The following DCHS1 variants were observed in gnomAD, a reference collection of about 807,000 sequenced individuals.
DCHS1 encodes protocadherin-16.
In DCHS1, 78 loss-of-function variants were observed where a neutral mutation model predicts 213.9. That is an observed-to-expected ratio of 0.36 (90% CI 0.30 to 0.44). The LOEUF is 0.44. Among genes scored for constraint, DCHS1 ranks in the 20% least tolerant of loss-of-function variants. The pLI, the probability that DCHS1 is intolerant of heterozygous loss-of-function variation, is 1.00. For missense variants in DCHS1, 3,946 were observed against 4,395.9 expected (o/e 0.90, Z 2.89); for synonymous variants, 1,828 against 1,873.7 (o/e 0.98, Z 0.63).
Position 6,626,322 on chromosome 11 carries a change from T to C in DCHS1, c.6423A>G (p.Arg2141=). The change falls in exon 16 of 21, where the codon CGA becomes CGG. Residue 2141 remains arginine (R), a synonymous_variant. Transcript: ENST00000299441. The surrounding 1 kb of genome is among the most constrained non-coding windows in gnomAD (Gnocchi z 5.2). The part of the protein sequence containing the change: ...GLDFEVSPRL[R]LVLQAESGGA... ...CTCCACTCTCTGCCTGCAGCACCAG[T>C]CGCAGCCGTGGACTCACCTCGAAGT... The C allele has an allele frequency of 6.2e-7, 1 of 1,613,590 alleles. No homozygotes were observed. The highest frequency in any genetic ancestry group is 8.5e-7 in the Non-Finnish European group (1 of 1,179,738).
At position 6,632,935 on chromosome 11, in the gene DCHS1, T is replaced by C; in HGVS notation, c.2577A>G (p.Pro859=). ...CTGCTCGCACCTCCAGCTCCAACACTGGTCCCAGTAGCTCCCGGTCCAGAG... is the reference window on the plus strand; with the variant it reads ...CTGCTCGCACCTCCAGCTCCAACACCGGTCCCAGTAGCTCCCGGTCCAGAG... ...LRPLDRELLG[P]VLELEVRAGS... The change falls in exon 6 of 21, where the codon CCA becomes CCG. Residue 859 remains proline (P), a synonymous_variant. Coordinates refer to ENST00000299441, the MANE Select transcript of DCHS1 (RefSeq NM_003737.4). This position sits in a 1 kb window ranked among gnomAD's most constrained non-coding sequence, Gnocchi z 5.9. 5 of 1,614,028 alleles carry C rather than the reference T, an allele frequency of 3.1e-6. No homozygotes were observed. The highest frequency in any genetic ancestry group is 4.2e-6 in the Non-Finnish European group (5 of 1,179,892).
At chr11:6,633,765 C>T (rs1855948057) in intron 4 of DCHS1, 24 bp downstream of exon 4, 1 of 1,606,526 alleles carries the variant, frequency 6.2e-7, no homozygotes, top group Non-Finnish European at 8.5e-7. Context: ...TGGGGGAAGG[C>T]CCCGGGAATG....
At chr11:6,633,351 C>T (rs1207931917) in intron 5 of DCHS1, 61 bp downstream of exon 5, 2 of 1,481,300 alleles carry the variant, frequency 1.4e-6, no homozygotes, top group Non-Finnish European at 1.8e-6. Flanking sequence ...TCGGATGGTG[C>T]TGGAGGGTTA....
intron 1 of DCHS1, among the ~76,000 whole-genome samples, chr11:6,642,725 A>C (rs969281804): frequency 6.6e-6 from 1 of 152,098 alleles, no homozygotes; most frequent in African/African-American, 2.4e-5. Context: ...GAAGATTTTG[A>C]CATTATCCTA....
At chr11:6,654,398 A>T (rs1856286015) in intron 1 of DCHS1, among the ~76,000 whole-genome samples, 1 of 152,190 alleles carries the variant, frequency 6.6e-6, no homozygotes, top group African/African-American at 2.4e-5. Context: ...TTGCAGTGAC[A>T]ATGTCTCCTG....
chr11:6,640,897 G>C lies in DCHS1; in HGVS notation c.717C>G (p.Ala239=). 1 of 1,614,036 alleles carries C rather than the reference G, an allele frequency of 6.2e-7. No homozygotes were observed. The highest frequency in any genetic ancestry group is 8.5e-7 in the Non-Finnish European group (1 of 1,179,894). The change falls in exon 2 of 21, where the codon GCC becomes GCG. Residue 239 remains alanine (A), a synonymous_variant. Transcript: ENST00000299441. The surrounding 1 kb of genome is among the most constrained non-coding windows in gnomAD (Gnocchi z 6.5). ...TGTCCAGCAGTGTCACGTCCAGCAGGGCCTGGGCCCTCCGGGGGGGTGAAC... is the reference window on the plus strand; with the variant it reads ...TGTCCAGCAGTGTCACGTCCAGCAGCGCCTGGGCCCTCCGGGGGGGTGAAC... ...DGGSPPRRAQ[A]LLDVTLLDIN...
chr11:6,645,615 T>C (rs533586986), intron 1 of DCHS1, among the ~76,000 whole-genome samples: 2 of 152,298 alleles, frequency 1.3e-5, no homozygotes, highest in Admixed American at 6.5e-5. Context: ...AATCTATGAA[T>C]GGTTTGAGAT....
Position 6,640,971 on chromosome 11 carries a change from G to C in DCHS1, c.643C>G (p.Arg215Gly), listed in dbSNP as rs747608620. The C allele has an allele frequency of 3.1e-6, 5 of 1,613,848 alleles. No homozygotes were observed. The highest frequency in any genetic ancestry group is 3.4e-6 in the Non-Finnish European group (4 of 1,179,900). ...AGCATATAGTGTGAGCGGTTCTCTCGGTCCAGTTCCCCAGTAACTACCAGC... is the reference window on the plus strand; with the variant it reads ...AGCATATAGTGTGAGCGGTTCTCTCCGTCCAGTTCCCCAGTAACTACCAGC... ...PELVVTGELD[R>G]ENRSHYMLQL... The change falls in exon 2 of 21, where the codon CGA (arginine) becomes GGA (glycine). Residue 215 changes from arginine to glycine, a missense_variant. Transcript: ENST00000299441. This position sits in a 1 kb window ranked among gnomAD's most constrained non-coding sequence, Gnocchi z 6.5.
rs776657618 is a variant in DCHS1 at position 6,630,156 on chromosome 11, G to A, written c.4638C>T (p.Phe1546=). 2 of 1,602,042 alleles carry A rather than the reference G, an allele frequency of 1.2e-6. No homozygotes were observed. Among genetic ancestry groups the A allele is most frequent in the Non-Finnish European group, 1.7e-6 (2 of 1,173,910 alleles). Residue 1546 remains phenylalanine (F), a synonymous_variant, in exon 10 of 21, where the codon TTC becomes TTT. Coordinates refer to ENST00000299441, the MANE Select transcript of DCHS1 (RefSeq NM_003737.4). The part of the protein sequence containing the change: ...VTDENDNAPV[F]ASPSRVRLPE... ...GGAGGCGCACGCGTGACGGCGAGGC[G>A]AAGACAGGCGCGTTGTCATTCTCAT...
In DCHS1 at chr11:6,641,347, G is replaced by A; in HGVS notation, c.267C>T (p.Gly89=). ...TGTGTTCGTCAATGGCCAGGTCTGT[G>A]CCCACGCCGCTGCCCTCTTGGGCAG... The part of the protein sequence containing the change: ...FISAQEGSGV[G]TDLAIDEHSG... Residue 89 remains glycine, a synonymous_variant, in exon 2 of 21, where the codon GGC becomes GGT. Coordinates refer to ENST00000299441, the MANE Select transcript of DCHS1 (RefSeq NM_003737.4). The surrounding 1 kb of genome is among the most constrained non-coding windows in gnomAD (Gnocchi z 7.1). 1 of 1,613,592 alleles carries A rather than the reference G, an allele frequency of 6.2e-7. No individual in the cohort carries two copies. The highest frequency in any genetic ancestry group is 8.5e-7 in the Non-Finnish European group (1 of 1,179,894).
In DCHS1 at chr11:6,634,322, G is replaced by A. The variant is rs1855958668; in HGVS notation, c.1798-16C>T. On this transcript the variant is annotated splice_polypyrimidine_tract_variant and intron_variant, in intron 2 of 20. Transcript: ENST00000299441. ...TGGCTGTCACCTAGGGAGAGGCTGG[G>A]GTGAGTGGTGTCCCCTCTTCTTTGC... 2 of 1,566,312 alleles carry A rather than the reference G, an allele frequency of 1.3e-6. No individual in the cohort carries two copies. Among genetic ancestry groups the A allele is most frequent in the Admixed American group, 1.8e-5 (1 of 54,608 alleles).
chr11:6,640,101 T>G lies in DCHS1; in HGVS notation c.1513A>C (p.Asn505His), dbSNP rs745711120. Residue 505 changes from asparagine (N) to histidine (H), a missense_variant, in exon 2 of 21, where the codon AAT becomes CAT. Asn to His is a moderately conservative substitution (Grantham distance 68). Transcript: ENST00000299441. The surrounding 1 kb of genome is among the most constrained non-coding windows in gnomAD (Gnocchi z 6.5). ...VTARDPDQGT[N>H]GQVTYSLAPG... is the part of the protein sequence containing the mutation. Reference sequence around the variant, plus strand: ...GCTAGGCTATAAGTGACCTGACCATTGGTGCCTTGGTCAGGATCCCGAGCA... The same window carrying G: ...GCTAGGCTATAAGTGACCTGACCATGGGTGCCTTGGTCAGGATCCCGAGCA... 13 of 1,613,714 alleles carry G rather than the reference T, an allele frequency of 8.1e-6. No homozygotes were observed. The Admixed American group carries it at 2.2e-4, about 27-fold the overall frequency.
Position 6,632,391 on chromosome 11 carries a change from C to T in DCHS1, c.3121G>A (p.Ala1041Thr). The stretch of plus-strand genomic sequence containing the variant: ...GGCTCCAGGCCAAAGGGGCTACTTG[C>T]TCCCTCTGCTGCAAGGTGATAGGTG... ...PITYHLAAEG[A>T]SSPFGLEPQS... The change falls in exon 6 of 21, where the codon GCA becomes ACA. Residue 1041 changes from alanine to threonine, a missense_variant. Coordinates refer to ENST00000299441, the MANE Select transcript of DCHS1 (RefSeq NM_003737.4). This position sits in a 1 kb window ranked among gnomAD's most constrained non-coding sequence, Gnocchi z 5.9. The T allele has an allele frequency of 6.2e-7, 1 of 1,613,824 alleles. No homozygotes were observed. The highest frequency in any genetic ancestry group is 1.3e-5 in the African/African-American group (1 of 75,054).
Position 6,630,326 on chromosome 11 carries a change from C to T in DCHS1, c.4468G>A (p.Ala1490Thr), listed in dbSNP as rs1203683763. Residue 1490 changes from alanine (A) to threonine (T), a missense_variant, in exon 10 of 21, where the codon GCG becomes ACG. This residue lies in a region of DCHS1 where 3,384 missense variants were observed against 3,780.1 expected (regional missense o/e 0.90). Transcript: ENST00000299441. Reference protein sequence around the residue: ...EPPVPALRLDARTGALSAPRG... With the variant: ...EPPVPALRLDTRTGALSAPRG... ...GGAGCGCTGAGCGCCCCGGTGCGCG[C>T]GTCCAGGCGAAGCGCCGGCACGGGC... is the stretch of plus-strand genomic sequence containing the variant. The T allele has an allele frequency of 7.5e-7, 1 of 1,331,534 alleles. No individual in the cohort carries two copies. The highest frequency in any genetic ancestry group is 9.6e-7 in the Non-Finnish European group (1 of 1,043,600). The allele number at this position is 1,331,534 out of a possible 1,614,324, so 82.5% of individuals were successfully genotyped here.
intron 1 of DCHS1, 133 bp downstream of exon 1, chr11:6,655,430 C>A (rs1856300824): frequency 3.7e-6 from 2 of 542,604 alleles, no homozygotes; most frequent in Non-Finnish European, 4.7e-6. Context: ...GTCCCGCAGG[C>A]CCAGGCCCCC....
In DCHS1 at chr11:6,634,365, G is replaced by T. The variant is rs962713680; in HGVS notation, c.1798-59C>A. The T allele has an allele frequency of 1.3e-5, 20 of 1,511,040 alleles. No individual in the cohort carries two copies. The African/African-American group carries it at 2.8e-4, about 21-fold the overall frequency. The allele number at this position is 1,511,040 out of a possible 1,614,324, so 93.6% of individuals were successfully genotyped here. The stretch of plus-strand genomic sequence containing the variant: ...TTCTTTGCCAGAAAAGCCAGAGGTA[G>T]GTGGCCATTAGAATGAACAACTGGT... On this transcript the variant is annotated intron_variant, in intron 2 of 20. Transcript: ENST00000299441.
rs1296803476 is a variant in DCHS1, at chr11:6,622,670, G to C, written c.9006C>G (p.Leu3002=). 1.8e-5 allele frequency: 29 copies of C among 1,593,926 alleles called. No individual in the cohort carries two copies. The highest frequency in any genetic ancestry group is 2.5e-5 in the Non-Finnish European group (29 of 1,170,670). ...CATAGCTGGGAAGAGTCTGGTGATA[G>C]AGGTGCTCAGAGGGTGGTGGACTAG... is the stretch of plus-strand genomic sequence containing the variant. ...EPPSPPPSEH[L]YHQTLPSYGG... The change falls in exon 21 of 21, where the codon CTC becomes CTG. Residue 3002 remains leucine, a synonymous_variant. Coordinates refer to ENST00000299441, the MANE Select transcript of DCHS1 (RefSeq NM_003737.4). This position sits in a 1 kb window ranked among gnomAD's most constrained non-coding sequence, Gnocchi z 5.4.
rs746349339 is a variant in DCHS1, at chr11:6,631,318, C to T, written c.3765G>A (p.Thr1255=). Residue 1255 remains threonine, a synonymous_variant, in exon 8 of 21, where the codon ACG becomes ACA. Coordinates refer to ENST00000299441, the MANE Select transcript of DCHS1 (RefSeq NM_003737.4). ...CTCTCTCCACTCCCATACCAGTTAGCGTGTACAAGATGGTCCCATTCTCCC... is the reference window on the plus strand; with the variant it reads ...CTCTCTCCACTCCCATACCAGTTAGTGTGTACAAGATGGTCCCATTCTCCC... ...DEGENGTILY[T]LTGPGSELFS... is the part of the protein sequence containing the mutation. 1.2e-5 allele frequency: 19 copies of T among 1,613,856 alleles called. No individual in the cohort carries two copies. Among genetic ancestry groups the T allele is most frequent in the Middle Eastern group, 1.6e-4 (1 of 6,084 alleles).
rs1381195037 is a variant in DCHS1 at position 6,633,653 on chromosome 11, G to A, written c.2219-5C>T. On this transcript the variant is annotated splice_polypyrimidine_tract_variant and splice_region_variant and intron_variant, in intron 4 of 20. Transcript: ENST00000299441. Reference sequence around the variant, plus strand: ...GCCAGGCTACTGTCAACAGCCCTGAGAGGAAGAATAGAAGCAGAGATATAT... The same window carrying A: ...GCCAGGCTACTGTCAACAGCCCTGAAAGGAAGAATAGAAGCAGAGATATAT... 1.9e-6 allele frequency: 3 copies of A among 1,604,560 alleles called. No homozygotes were observed. Among genetic ancestry groups the A allele is most frequent in the African/African-American group, 1.3e-5 (1 of 74,660 alleles).
Sources: allele counts gnomAD v4.1 joint callset (sites outside exome capture counted in the v4.1 genomes callset), GRCh38; gene constraint gnomAD v4.1.1; regional missense constraint gnomAD v4.1.1; non-coding constraint Gnocchi (gnomAD v3.1); transcripts MANE v1.5; gene names NCBI Gene and HGNC (gene_info 2026-07-23, HGNC 2026-07-21).